The following MAST1 variants were observed in gnomAD, a reference collection of about 807,000 sequenced individuals.
The protein encoded by MAST1 is microtubule-associated serine/threonine-protein kinase 1.
In MAST1, 40 loss-of-function variants were observed where a neutral mutation model predicts 124.6. That is an observed-to-expected ratio of 0.32 (90% CI 0.25 to 0.42). The LOEUF (loss-of-function observed/expected upper bound fraction) is 0.42, where lower values mean the gene tolerates loss of function less well. MAST1 is among the 10% of genes least tolerant of loss of function. The pLI is 1.00. For missense variants in MAST1, 1,558 were observed against 2,181.9 expected, an observed-to-expected ratio of 0.71 and a Z score of 5.70; for synonymous variants, 938 against 939.4, an observed-to-expected ratio of 1.00 and a Z score of 0.03.
chr19:12,867,509 G>A lies in MAST1; in HGVS notation c.2175G>A (p.Glu725=), dbSNP rs754149366. 1.2e-5 allele frequency: 19 copies of A among 1,613,656 alleles called. No individual in the cohort carries two copies. Among genetic ancestry groups the A allele is most frequent in the Non-Finnish European group, 1.5e-5 (18 of 1,180,020 alleles). ...YSSMEQLSQH[E]PKTPVAAAGS... is the part of the protein sequence containing the mutation. The stretch of plus-strand genomic sequence containing the variant: ...GCATGGAGCAGCTGTCGCAGCACGA[G>A]CCCAAGACCCCAGTAGCAGCTGCAG... The change falls in exon 19 of 26, where the codon GAG becomes GAA. Residue 725 remains glutamate (E), a synonymous_variant. Coordinates refer to ENST00000251472, the MANE Select transcript of MAST1 (RefSeq NM_014975.3).
At chr19:12,848,180 G>C in intron 7 of MAST1, 123 bp downstream of exon 7, 1 of 887,066 alleles carries the variant, frequency 1.1e-6, no homozygotes, top group Non-Finnish European at 1.7e-6. Flanking sequence ...CACTGGCGTG[G>C]AGCTGAGGAC....
intron 12 of MAST1, among the ~76,000 whole-genome samples, chr19:12,864,300 C>A (rs1970122048): frequency 6.6e-6 from 1 of 150,842 alleles, no homozygotes; most frequent in African/African-American, 2.4e-5. Context: ...GAGGCTGAAG[C>A]AGGAGGATTG....
Position 12,874,072 on chromosome 19 carries a change from T to C in MAST1, c.3915T>C (p.His1305=). The part of the protein sequence containing the change: ...RKDFHGELAL[H]SLAESDGETP... Reference sequence around the variant, plus strand: ...ACTTCCATGGCGAGCTGGCGCTGCATAGCCTTGCCGAGTCCGACGGTGAGA... The same window carrying C: ...ACTTCCATGGCGAGCTGGCGCTGCACAGCCTTGCCGAGTCCGACGGTGAGA... Residue 1305 remains histidine (H), a synonymous_variant, in exon 26 of 26, where the codon CAT becomes CAC. Coordinates refer to ENST00000251472, the MANE Select transcript of MAST1 (RefSeq NM_014975.3). The surrounding 1 kb of genome is among the most constrained non-coding windows in gnomAD (Gnocchi z 6.6). The C allele has an allele frequency of 6.3e-7, 1 of 1,589,108 alleles. No individual in the cohort carries two copies. Among genetic ancestry groups the C allele is most frequent in the Non-Finnish European group, 8.5e-7 (1 of 1,171,356 alleles).
rs565003246 is a variant in MAST1 at position 12,860,031 on chromosome 19, A to G, written c.1366+1292A>G. ...TACCTGTTTATTAATCCACCTTTCC[A>G]TCCATCCCTCACATCCCGCAATTTG... On this transcript the variant is annotated intron_variant, in intron 12 of 25. Transcript: ENST00000251472. Among the ~76,000 whole-genome samples, 3 of 150,380 alleles carry G rather than the reference A, an allele frequency of 2.0e-5. No homozygotes were observed. In the South Asian group the frequency reaches 6.4e-4, roughly 32 times the overall value.
At chr19:12,848,171 A>G in intron 7 of MAST1, 114 bp downstream of exon 7, 1 of 954,254 alleles carries the variant, frequency 1.0e-6, no homozygotes, top group East Asian at 2.6e-5. Context: ...CGTTCCAGGC[A>G]CTGGCGTGGA....
intron 20 of MAST1, 75 bp downstream of exon 20, chr19:12,868,052 C>G (rs904682591): frequency 6.9e-6 from 10 of 1,441,834 alleles, no homozygotes; most frequent in Non-Finnish European, 8.2e-6. Context: ...ATCCCACGAG[C>G]CTGGTGCTGT....
chr19:12,855,619 A>G (rs1970008703), intron 10 of MAST1, among the ~76,000 whole-genome samples: 1 of 152,212 alleles, frequency 6.6e-6, no homozygotes, highest in Non-Finnish European at 1.5e-5. Flanking sequence ...TCTTTATTTC[A>G]AATTGTGTCT....
intron 1 of MAST1, 92 bp from the exon 2 acceptor site, chr19:12,840,354 G>A (rs1969810483): frequency 5.0e-6 from 4 of 792,900 alleles, no homozygotes; most frequent in African/African-American, 3.4e-5. Flanking sequence ...TGGGAGATAG[G>A]CGGGGATCTG....
rs771042248 is a variant in MAST1 at position 12,867,439 on chromosome 19, C to T, written c.2140-35C>T. Reference sequence around the variant, plus strand: ...GATTAGCTCCGGAGTGAAAGTGGAACCCGGGCTGGACTTGCCTCCCACCAC... The same window carrying T: ...GATTAGCTCCGGAGTGAAAGTGGAATCCGGGCTGGACTTGCCTCCCACCAC... On this transcript the variant is annotated intron_variant, in intron 18 of 25. Coordinates refer to ENST00000251472, the MANE Select transcript of MAST1 (RefSeq NM_014975.3). 1.6e-5 allele frequency: 26 copies of T among 1,609,758 alleles called. No homozygotes were observed. The South Asian group carries it at 2.9e-4, about 18-fold the overall frequency.
At chr19:12,856,451 C>T (rs753636734) in intron 10 of MAST1, among the ~76,000 whole-genome samples, 3 of 151,842 alleles carry the variant, frequency 2.0e-5, no homozygotes, top group Non-Finnish European at 4.4e-5. Context: ...TATAGGCAAC[C>T]ACCACCACGC....
intron 10 of MAST1, among the ~76,000 whole-genome samples, chr19:12,855,502 T>A (rs905360474): frequency 2.6e-5 from 4 of 152,150 alleles, no homozygotes; most frequent in Non-Finnish European, 5.9e-5. Flanking sequence ...AATACTGTGG[T>A]GGAACCAGCT....
intron 10 of MAST1, 33 bp from the exon 11 acceptor site, chr19:12,858,329 G>T: frequency 6.3e-7 from 1 of 1,576,760 alleles, no homozygotes; most frequent in Non-Finnish European, 8.7e-7. Context: ...TCATGATGAT[G>T]ATGGTGGTGT....
chr19:12,842,213 G>T (rs1487628813), intron 3 of MAST1, among the ~76,000 whole-genome samples: 1 of 151,996 alleles, frequency 6.6e-6, no homozygotes, highest in African/African-American at 2.4e-5. Context: ...TCTGTGTGTG[G>T]GTGTAAGCGT....
chr19:12,863,792 CA>C (rs1568412815), intron 12 of MAST1, among the ~76,000 whole-genome samples: 1 of 152,136 alleles, frequency 6.6e-6, no homozygotes, highest in East Asian at 1.9e-4. Context: ...ATACCAATGC[CA>C]ATTACAGTAA....
intron 4 of MAST1, among the ~76,000 whole-genome samples, chr19:12,844,229 G>A (rs1486443298): frequency 6.6e-6 from 1 of 152,156 alleles, no homozygotes; most frequent in East Asian, 1.9e-4. Context: ...AGCTGGGCTG[G>A]GCCAGGCCAC....
At chr19:12,839,637 A>G (rs953709630) in intron 1 of MAST1, among the ~76,000 whole-genome samples, 1 of 152,206 alleles carries the variant, frequency 6.6e-6, no homozygotes, top group African/African-American at 2.4e-5. Context: ...AATTCACACA[A>G]TAGATGCTAC....
At chr19:12,854,905 C>T (rs1050717430) in intron 10 of MAST1, among the ~76,000 whole-genome samples, 2 of 152,132 alleles carry the variant, frequency 1.3e-5, no homozygotes, top group African/African-American at 4.8e-5. Flanking sequence ...CCAATGGCCA[C>T]ACATGTGTTT....
chr19:12,847,450 G>C lies in MAST1; in HGVS notation c.488G>C (p.Ser163Thr), dbSNP rs765591506. Residue 163 changes from serine (S) to threonine (T), a missense_variant and splice_region_variant, in exon 5 of 26, where the codon AGC becomes ACC. By Grantham distance (58) the Ser-to-Thr change is moderately conservative. Coordinates refer to ENST00000251472, the MANE Select transcript of MAST1 (RefSeq NM_014975.3). The surrounding 1 kb of genome is among the most constrained non-coding windows in gnomAD (Gnocchi z 5.5). ...GTGCGGCCCCGCTCACGGAGCCTCA[G>C]GTGGGCAGGCATCCCTCCTCCTTCG... is the stretch of plus-strand genomic sequence containing the variant. ...PAVRPRSRSL[S>T]PGRSPSSYDN... 1 of 1,613,626 alleles carries C rather than the reference G, an allele frequency of 6.2e-7. No individual in the cohort carries two copies. The highest frequency in any genetic ancestry group is 2.2e-5 in the East Asian group (1 of 44,864).
chr19:12,844,949 TAA>T (rs1234433236), intron 4 of MAST1, among the ~76,000 whole-genome samples: 1 of 152,010 alleles, frequency 6.6e-6, no homozygotes, highest in East Asian at 1.9e-4. Flanking sequence ...ATTAAAAAAA[TAA>T]AAGAGATGGA....
Sources: allele counts gnomAD v4.1 joint callset (sites outside exome capture counted in the v4.1 genomes callset), GRCh38; gene constraint gnomAD v4.1.1; non-coding constraint Gnocchi (gnomAD v3.1); transcripts MANE v1.5; gene names NCBI Gene and HGNC (gene_info 2026-07-23, HGNC 2026-07-21).